Variants in TUBGCP2 observed in about 807,000 individuals in gnomAD.
TUBGCP2 encodes the protein gamma-tubulin complex component 2.
Under a neutral mutation model 92.2 loss-of-function variants are expected in TUBGCP2, and 55 were observed. The ratio of observed to expected loss-of-function variants is 0.60; its 90% confidence interval spans 0.48 to 0.75. The LOEUF (loss-of-function observed/expected upper bound fraction) is 0.75, where lower values mean the gene tolerates loss of function less well. Ranked by LOEUF, TUBGCP2 falls within the 30% of genes least tolerant of loss-of-function variation. The probability of loss-of-function intolerance (pLI) is 0.00; values close to 1 mark genes in which losing one functional copy is unlikely to be tolerated. For missense variants in TUBGCP2, 1,093 were observed against 1,188.9 expected (o/e 0.92, Z 1.19); for synonymous variants, 533 against 505.2 (o/e 1.06, Z -0.74).
intron 1 of TUBGCP2, 155 bp downstream of exon 1, chr10:133,308,668 G>C: frequency 4.0e-6 from 1 of 248,606 alleles, no homozygotes; most frequent in Non-Finnish European, 7.7e-6. Context: ...GGCCCGAAGG[G>C]CTTCGGCCCC....
Position 133,293,589 on chromosome 10 carries a change from A to C in TUBGCP2, c.797T>G (p.Val266Gly). 1 of 1,555,170 alleles carries C rather than the reference A, an allele frequency of 6.4e-7. No individual in the cohort carries two copies. The highest frequency in any genetic ancestry group is 8.7e-7 in the Non-Finnish European group (1 of 1,149,354). The change falls in exon 6 of 18, where the codon GTG (valine) becomes GGG (glycine). Residue 266 changes from valine (V) to glycine (G), a missense_variant. Val to Gly is a moderately radical substitution (Grantham distance 109). Around this residue, in one of 3 missense-constraint regions of TUBGCP2, gnomAD observed 490 missense variants for 488.5 expected, o/e 1.00. Transcript: ENST00000252936. Reference sequence around the variant, plus strand: ...GGTCACAGCGGAGTAGCTGGCGGCCACTGGGAGGATCCTGTGCACCAGCTC... The same window carrying C: ...GGTCACAGCGGAGTAGCTGGCGGCCCCTGGGAGGATCCTGTGCACCAGCTC... ...IRELVHRILP[V>G]AASYSAVTRF...
rs569754025 is a variant in TUBGCP2 at position 133,293,552 on chromosome 10, C to T, written c.824+10G>A. On this transcript the variant is annotated intron_variant, in intron 6 of 17. Coordinates refer to ENST00000252936, the MANE Select transcript of TUBGCP2 (RefSeq NM_006659.4). ...AGCGCAGGCTCCCAGGGACCGCGCC[C>T]GGTGCCCACCTGGTCACAGCGGAGT... is the stretch of plus-strand genomic sequence containing the variant. 12 of 1,550,296 alleles carry T rather than the reference C, an allele frequency of 7.7e-6. No homozygotes were observed. Among genetic ancestry groups the T allele is most frequent in the South Asian group, 5.9e-5 (5 of 84,064 alleles).
Position 133,291,268 on chromosome 10 carries a change from CCCATGTCCCT to C in TUBGCP2, c.1214+1221_1214+1230del, listed in dbSNP as rs1364785219. On this transcript the variant is annotated intron_variant, in intron 8 of 17. Transcript: ENST00000252936. ...GTGTCCCCCATGTCCCTCCGTGTCC[CCCATGTCCCT>C]CCGTGTCCCTGTGTCCCGGGGAGCC... Among the ~76,000 whole-genome samples, 37 of 48,506 alleles carry C rather than the reference CCCATGTCCCT, an allele frequency of 7.6e-4. 2 individuals are homozygous for C. In the African/African-American group the frequency reaches 0.011, roughly 14 times the overall value. 31.8% of individuals were successfully genotyped at this position (48,506 alleles called of 152,430 possible). A position where few individuals can be genotyped will look rare whatever the true frequency, so the allele number is the denominator to read the frequency against.
intron 15 of TUBGCP2, 69 bp from the exon 16 acceptor site, chr10:133,282,411 G>A (rs1847007588): frequency 2.0e-6 from 3 of 1,514,672 alleles, no homozygotes; most frequent in Middle Eastern, 1.8e-4. Context: ...GAAAAAACAA[G>A]TCCTGCAGGC....
At chr10:133,290,048 G>A (rs571916009) in intron 8 of TUBGCP2, 79 bp from the exon 9 acceptor site, 19 of 1,570,870 alleles carry the variant, frequency 1.2e-5, no homozygotes, top group East Asian at 6.8e-5. Flanking sequence ...GGCCGGCAGC[G>A]CGCAGGGACA....
chr10:133,285,620 C>A lies in TUBGCP2; in HGVS notation c.1731G>T (p.Leu577=). 1 of 1,513,352 alleles carries A rather than the reference C, an allele frequency of 6.6e-7. No individual in the cohort carries two copies. Among genetic ancestry groups the A allele is most frequent in the Non-Finnish European group, 8.9e-7 (1 of 1,129,834 alleles). The allele number at this position is 1,513,352 out of a possible 1,614,324, so 93.7% of individuals were successfully genotyped here. Reference sequence around the variant, plus strand: ...GCTGAGTGATGAGGTCATGGGGCATCAGGTCGATCTTGGAGGGAAGGAAAT... The same window carrying A: ...GCTGAGTGATGAGGTCATGGGGCATAAGGTCGATCTTGGAGGGAAGGAAAT... The part of the protein sequence containing the change: ...DPFKDDLKID[L]MPHDLITQLL... Residue 577 remains leucine (L), a synonymous_variant, in exon 12 of 18, where the codon CTG becomes CTT. Transcript: ENST00000252936. The surrounding 1 kb of genome is among the most constrained non-coding windows in gnomAD (Gnocchi z 6.8).
At position 133,299,570 on chromosome 10, in the gene TUBGCP2, T is replaced by C; in HGVS notation, c.313A>G (p.Arg105Gly). ...ACAGCAGCGGCTGCAAGCTCAGCTC[T>C]TTCTTTTGCATTCTGTTGTAAGTAC... ...LQYLQQNAKERAELAAAAVGS... is the reference protein window; with the variant it reads ...LQYLQQNAKEGAELAAAAVGS... The change falls in exon 4 of 18, where the codon AGA becomes GGA. Residue 105 changes from arginine (R) to glycine (G), a missense_variant. This residue lies in a region of TUBGCP2 where 490 missense variants were observed against 488.5 expected (regional missense o/e 1.00). Coordinates refer to ENST00000252936, the MANE Select transcript of TUBGCP2 (RefSeq NM_006659.4). 6.2e-7 allele frequency: 1 copy of C among 1,613,236 alleles called. No individual in the cohort carries two copies. The highest frequency in any genetic ancestry group is 8.5e-7 in the Non-Finnish European group (1 of 1,179,572).
In TUBGCP2 at chr10:133,285,735, C is replaced by T; in HGVS notation, c.1723-107G>A. On this transcript the variant is annotated intron_variant, in intron 11 of 17. Coordinates refer to ENST00000252936, the MANE Select transcript of TUBGCP2 (RefSeq NM_006659.4). This position sits in a 1 kb window ranked among gnomAD's most constrained non-coding sequence, Gnocchi z 6.8. ...CAGACCCAGCGCTGACGTAAGGTTC[C>T]CTACATTCCGATTCTAAATATCAGA... The T allele has an allele frequency of 9.2e-7, 1 of 1,091,278 alleles. No homozygotes were observed. Among genetic ancestry groups the T allele is most frequent in the Non-Finnish European group, 1.2e-6 (1 of 818,342 alleles). 67.6% of individuals were successfully genotyped at this position (1,091,278 alleles called of 1,614,324 possible).
At chr10:133,288,038 A>G (rs1589824964) in intron 11 of TUBGCP2, 91 bp downstream of exon 11, 1 of 1,458,614 alleles carries the variant, frequency 6.9e-7, no homozygotes, top group East Asian at 2.4e-5. Context: ...CGGGACGGGG[A>G]GTGGGGGACA....
upstream of TUBGCP2, chr10:133,310,496 C>A: frequency 1.6e-6 from 1 of 621,612 alleles, no homozygotes; most frequent in Non-Finnish European, 2.7e-6. Flanking sequence ...GAGGGGAGCC[C>A]CTGGCTGCCC....
At chr10:133,308,986 C>A (rs1387797380), upstream of TUBGCP2, 1 of 1,246,372 alleles carries the variant, frequency 8.0e-7, no homozygotes, top group Non-Finnish European at 1.0e-6. Context: ...CGCTGCGGGG[C>A]CCGGGGCGGC....
chr10:133,288,356 G>A (rs777022534), intron 10 of TUBGCP2, 47 bp from the exon 11 acceptor site: 29 of 1,597,656 alleles, frequency 1.8e-5, no homozygotes, highest in East Asian at 2.3e-5. Flanking sequence ...GCAGGTGCCC[G>A]CCACAGCCAG....
intron 6 of TUBGCP2, 89 bp downstream of exon 6, chr10:133,293,473 C>T (rs965637501): frequency 5.5e-5 from 79 of 1,432,554 alleles, no homozygotes; most frequent in Admixed American, 1.0e-4. Context: ...TCTTTAGAAG[C>T]GATGCAGACG....
chr10:133,287,250 C>A (rs572796537), intron 11 of TUBGCP2, among the ~76,000 whole-genome samples: 15 of 152,246 alleles, frequency 9.9e-5, no homozygotes, highest in African/African-American at 3.6e-4. Flanking sequence ...GGGGCCAAGT[C>A]CCCCTCAAAA....
chr10:133,293,070 G>A lies in TUBGCP2; in HGVS notation c.993C>T (p.Ala331=), dbSNP rs1172068962. 6.2e-7 allele frequency: 1 copy of A among 1,613,472 alleles called. No homozygotes were observed. The highest frequency in any genetic ancestry group is 8.5e-7 in the Non-Finnish European group (1 of 1,180,030). ...LQKLWFYIQP[A]MRTMDILASL... Reference sequence around the variant, plus strand: ...AGGCCAGGATGTCCATGGTGCGCATGGCTGGCTGGATGTAGAACCAGAGCT... The same window carrying A: ...AGGCCAGGATGTCCATGGTGCGCATAGCTGGCTGGATGTAGAACCAGAGCT... Residue 331 remains alanine, a synonymous_variant, in exon 7 of 18, where the codon GCC becomes GCT. Transcript: ENST00000252936.
At chr10:133,299,726 C>T (rs578081644) in intron 3 of TUBGCP2, 123 bp from the exon 4 acceptor site, 53 of 908,682 alleles carry the variant, frequency 5.8e-5, no homozygotes, top group African/African-American at 4.7e-4. Context: ...AATAGCAAAG[C>T]GACGCGTGCG....
intron 8 of TUBGCP2, among the ~76,000 whole-genome samples, chr10:133,291,287 CTGTG>C (rs1847291283): frequency 2.5e-5 from 2 of 78,888 alleles, no homozygotes; most frequent in Non-Finnish European, 4.2e-5. Context: ...CTCCGTGTCC[CTGTG>C]TCCCGGGGAG....
chr10:133,299,940 C>T (rs1197821095), intron 3 of TUBGCP2, 45 bp downstream of exon 3: 4 of 1,601,858 alleles, frequency 2.5e-6, no homozygotes, highest in Admixed American at 1.7e-5. Flanking sequence ...CCACTCCCAA[C>T]ATGGGCCGTA....
intron 8 of TUBGCP2, among the ~76,000 whole-genome samples, chr10:133,291,758 C>T (rs182403511): frequency 0.067 from 358 of 5,330 alleles, 74 homozygotes; most frequent in South Asian, 0.16. Flanking sequence ...TCCGTGTCCC[C>T]GTGTCCCGGG....
Sources: allele counts gnomAD v4.1 joint callset (sites outside exome capture counted in the v4.1 genomes callset), GRCh38; gene constraint gnomAD v4.1.1; regional missense constraint gnomAD v4.1.1; non-coding constraint Gnocchi (gnomAD v3.1); transcripts MANE v1.5; gene names NCBI Gene and HGNC (gene_info 2026-07-23, HGNC 2026-07-21).